INF2: variants seen among roughly 807,000 people sequenced by gnomAD.
INF2 encodes the protein inverted formin-2.
A neutral mutation model predicts 123.5 loss-of-function variants in INF2; 43 were observed. That is an observed-to-expected ratio of 0.35 (90% CI 0.27 to 0.45). The LOEUF (loss-of-function observed/expected upper bound fraction) is 0.45, where lower values mean the gene tolerates loss of function less well. Ranked by LOEUF, INF2 falls within the 20% of genes least tolerant of loss-of-function variation. The pLI, the probability that INF2 is intolerant of heterozygous loss-of-function variation, is 1.00. For missense variants in INF2, 1,453 were observed against 1,682.7 expected (o/e 0.86, Z 2.39); for synonymous variants, 851 against 745.0 (o/e 1.14, Z -2.32).
At chr14:104,682,856 C>G (rs1485362002) in intron 1 of INF2, among the ~76,000 whole-genome samples, 1 of 152,128 alleles carries the variant, frequency 6.6e-6, no homozygotes, top group South Asian at 2.1e-4. Context: ...GAAAGTCAGC[C>G]AACCCTAGGA....
In INF2 at chr14:104,721,374, G is replaced by A. The variant is rs1268913996; in HGVS notation, c.*2581G>A. 4 of 147,584 alleles carry A rather than the reference G, an allele frequency of 2.7e-5. No homozygotes were observed. Among genetic ancestry groups the A allele is most frequent in the African/African-American group, 1.0e-4 (4 of 38,288 alleles). 9.1% of individuals were successfully genotyped at this position (147,584 alleles called of 1,614,324 possible). A position where few individuals can be genotyped will look rare whatever the true frequency, so the allele number is the denominator to read the frequency against. On this transcript the variant is annotated 3_prime_UTR_variant, in exon 23 of 23. Transcript: ENST00000392634. ...CTGCTGTGGACGTCTGCGTAGTCTC[G>A]TGTGGATGCTGCTGTGGACGTCTGC...
chr14:104,711,492 A>C, intron 15 of INF2, 137 bp from the exon 16 acceptor site: 1 of 790,916 alleles, frequency 1.3e-6, no homozygotes, highest in Non-Finnish European at 2.2e-6. Flanking sequence ...GCCCAAGGGA[A>C]AGATTTGAGG....
chr14:104,702,091 C>T (rs11851852), intron 2 of INF2, among the ~76,000 whole-genome samples: 23,909 of 152,096 alleles, frequency 0.16, 2,913 homozygotes, highest in African/African-American at 0.34. Flanking sequence ...CACACCTCGG[C>T]GGCAGGAGTC....
intron 21 of INF2, 110 bp downstream of exon 21, chr14:104,714,966 G>A (rs1890225409): frequency 3.3e-6 from 4 of 1,205,602 alleles, no homozygotes; most frequent in Admixed American, 2.9e-5. Context: ...CCCAGGAGAG[G>A]TGACTTGGGT....
chr14:104,702,770 G>A (rs1177554048), intron 2 of INF2, among the ~76,000 whole-genome samples: 4 of 152,252 alleles, frequency 2.6e-5, no homozygotes, highest in Non-Finnish European at 5.9e-5. Context: ...GATGGGGTGG[G>A]AGGCAGGGGT....
At chr14:104,711,978 A>G (rs537219051) in intron 16 of INF2, among the ~76,000 whole-genome samples, 3 of 152,294 alleles carry the variant, frequency 2.0e-5, no homozygotes, top group Non-Finnish European at 4.4e-5. Flanking sequence ...CCCCTTCACA[A>G]GGTGGACCTT....
intron 2 of INF2, among the ~76,000 whole-genome samples, chr14:104,702,827 T>C (rs1475886030): frequency 1.3e-5 from 2 of 152,304 alleles, no homozygotes; most frequent in East Asian, 1.9e-4. Context: ...AAGTGCTGCA[T>C]TGGGAGAAAA....
rs766456624 is a variant in INF2 at position 104,714,327 on chromosome 14, C to T, written c.3165C>T (p.Pro1055=). ...GGGACCTTGTAGACGCCGTGACCCC[C>T]GGCCCTCAGCCCACCCTGGAGCAGT... is the stretch of plus-strand genomic sequence containing the variant. ...RGWDLVDAVT[P]GPQPTLEQLE... is the part of the protein sequence containing the mutation. The change falls in exon 21 of 23, where the codon CCC becomes CCT. Residue 1055 remains proline, a synonymous_variant. Transcript: ENST00000392634. The T allele has an allele frequency of 6.3e-6, 10 of 1,590,260 alleles. No individual in the cohort carries two copies. The highest frequency in any genetic ancestry group is 2.3e-5 in the East Asian group (1 of 43,464).
chr14:104,706,063 C>T lies in INF2; in HGVS notation c.730C>T (p.Gln244Ter). ...RDLEDADLLI[Q>*]LEAFEEAKAE... ...CCTGGAGGATGCCGACCTGCTGATC[C>T]AGCTGGAGGCTTTCGAGGAGGCTAA... The change falls in exon 6 of 23, where the codon CAG becomes TAG. Residue 244 changes from glutamine (Q) to a stop codon, truncating the protein, a stop_gained. Transcript: ENST00000392634. LOFTEE classifies it high-confidence loss of function. The T allele has an allele frequency of 6.2e-7, 1 of 1,612,528 alleles. No homozygotes were observed. The highest frequency in any genetic ancestry group is 8.5e-7 in the Non-Finnish European group (1 of 1,179,724).
At chr14:104,690,310 TA>T (rs1324641864) in intron 1 of INF2, 1 of 152,338 alleles carries the variant, frequency 6.6e-6, no homozygotes, top group Non-Finnish European at 1.5e-5. Flanking sequence ...CCAATCCCTG[TA>T]CGCCCCCAGA....
chr14:104,691,921 G>A (rs1466383968), intron 1 of INF2, among the ~76,000 whole-genome samples: 6 of 151,854 alleles, frequency 4.0e-5, no homozygotes, highest in South Asian at 2.1e-4. Flanking sequence ...GCCCAGTGCC[G>A]GTATACCCTG....
chr14:104,700,369 G>C (rs571070455), intron 1 of INF2, among the ~76,000 whole-genome samples: 1 of 152,180 alleles, frequency 6.6e-6, no homozygotes, highest in African/African-American at 2.4e-5. Context: ...GTGCTGGGCC[G>C]GGGTGGAGGC....
chr14:104,711,051 G>T (rs1487097664), intron 14 of INF2, 28 bp from the exon 15 acceptor site: 1 of 1,607,372 alleles, frequency 6.2e-7, no homozygotes, highest in East Asian at 2.3e-5. Flanking sequence ...GCCAGGGGCT[G>T]GTGAGACTCA....
chr14:104,696,620 G>A (rs550613483), intron 1 of INF2, among the ~76,000 whole-genome samples: 5 of 152,310 alleles, frequency 3.3e-5, no homozygotes, highest in African/African-American at 1.2e-4. Context: ...TTCAGCTCCA[G>A]GTGCCTCCAC....
rs540850762 is a variant in INF2, at chr14:104,684,398, C to T, written c.-104+2816C>T. On this transcript the variant is annotated intron_variant, in intron 1 of 2. Transcript: ENST00000674723. This position sits in a 1 kb window ranked among gnomAD's most constrained non-coding sequence, Gnocchi z 5.0. The stretch of plus-strand genomic sequence containing the variant: ...GCTTTCAGCGGATAGGTTTGTGCAA[C>T]GAAATATTTCATAGAAATCAAGAAA... 1.1e-5 allele frequency: 3 copies of T among 272,938 alleles called. No homozygotes were observed. Among genetic ancestry groups the T allele is most frequent in the African/African-American group, 2.2e-5 (1 of 45,058 alleles). 16.9% of individuals were successfully genotyped at this position (272,938 alleles called of 1,614,324 possible).
chr14:104,689,320 A>C, upstream of INF2: 1 of 913,302 alleles, frequency 1.1e-6, no homozygotes, highest in African/African-American at 1.8e-5. Flanking sequence ...GAGGGCAGGG[A>C]CGGGGCGGAC....
chr14:104,697,895 G>A (rs955727866), intron 1 of INF2, among the ~76,000 whole-genome samples: 3 of 152,232 alleles, frequency 2.0e-5, no homozygotes, highest in African/African-American at 7.2e-5. Context: ...GCCGGGGGGG[G>A]TGGATGGGAC....
At chr14:104,681,709 C>A in intron 1 of INF2, 1 of 727,406 alleles carries the variant, frequency 1.4e-6, no homozygotes, top group Non-Finnish European at 2.0e-6. Flanking sequence ...CGGAGGGCAG[C>A]ACGCTGGTGC....
In INF2 at chr14:104,719,204, T is replaced by C. The variant is rs1890457106; in HGVS notation, c.*411T>C. ...GCAATGCTTTGCAAGTCTTTACTGC[T>C]TGGAGGTGGCTGAGTTGGGGGCCCT... is the stretch of plus-strand genomic sequence containing the variant. On this transcript the variant is annotated 3_prime_UTR_variant, in exon 23 of 23. Coordinates refer to ENST00000392634, the MANE Select transcript of INF2 (RefSeq NM_022489.4). The C allele has an allele frequency of 5.2e-6, 1 of 193,562 alleles. No homozygotes were observed. Among genetic ancestry groups the C allele is most frequent in the African/African-American group, 2.3e-5 (1 of 42,684 alleles). The allele number at this position is 193,562 out of a possible 1,614,324, so 12.0% of individuals were successfully genotyped here. A position where few individuals can be genotyped will look rare whatever the true frequency, so the allele number is the denominator to read the frequency against.
Sources: gnomAD v4.1 joint callset for allele counts (sites outside exome capture counted in the v4.1 genomes callset) on GRCh38, gnomAD v4.1.1 for gene constraint, Gnocchi (gnomAD v3.1) non-coding constraint, MANE v1.5 for transcripts, NCBI Gene and HGNC (gene_info 2026-07-23, HGNC 2026-07-21) for gene names.